Variants in SPTB observed in about 807,000 individuals in gnomAD.
The protein encoded by SPTB is spectrin beta, erythrocytic, also known as spectrin beta chain, erythrocytic.
Under a neutral mutation model 256.2 loss-of-function variants are expected in SPTB, and 45 were observed. The observed-to-expected ratio is 0.18, with a 90% CI of 0.14 to 0.23. The LOEUF (loss-of-function observed/expected upper bound fraction) is 0.23. Among genes scored for constraint, SPTB ranks in the 10% least tolerant of loss-of-function variants. SPTB has a pLI of 1.00. For missense variants in SPTB, 2,715 were observed against 3,040.4 expected (o/e 0.89, Z 2.52); for synonymous variants, 1,231 against 1,243.1 (o/e 0.99, Z 0.21).
chr14:64,800,990 A>C lies in SPTB; in HGVS notation c.764-122T>G, dbSNP rs955013245. On this transcript the variant is annotated intron_variant, in intron 7 of 35. Transcript: ENST00000644917. ...CTACAGGCAGCAAGTGACAACCAAC[A>C]GAGCAAGAATGGAAGAGTGTGATGA... 6.4e-6 allele frequency: 5 copies of C among 784,444 alleles called. No homozygotes were observed. The African/African-American group carries it at 8.5e-5, about 13-fold the overall frequency. 48.6% of individuals were successfully genotyped at this position (784,444 alleles called of 1,614,324 possible).
chr14:64,872,741 AGGGACCCGGT>A (rs971829018), intron 1 of SPTB, among the ~76,000 whole-genome samples: 8 of 152,254 alleles, frequency 5.3e-5, no homozygotes, highest in Non-Finnish European at 7.4e-5. Flanking sequence ...ATGTCGTGGG[AGGGACCCGGT>A]GGGAGGTAAC....
At chr14:64,768,755 T>C (rs2082232056) in intron 29 of SPTB, among the ~76,000 whole-genome samples, 3 of 148,202 alleles carry the variant, frequency 2.0e-5, no homozygotes, top group Admixed American at 1.3e-4. Context: ...TCTGCAGGCA[T>C]ACCAGCCCGG....
intron 1 of SPTB, among the ~76,000 whole-genome samples, chr14:64,842,214 T>A (rs1254305029): frequency 6.6e-6 from 1 of 152,212 alleles, no homozygotes; most frequent in Non-Finnish European, 1.5e-5. Context: ...AAGTGAGTGG[T>A]CATTGCTAAA....
intron 6 of SPTB, 118 bp downstream of exon 6, chr14:64,801,636 G>A: frequency 9.1e-7 from 1 of 1,104,004 alleles, no homozygotes; most frequent in South Asian, 1.2e-5. Flanking sequence ...TGCTGAAGGG[G>A]AGAGGAGAAG....
chr14:64,856,919 G>A (rs2083883192), intron 1 of SPTB, among the ~76,000 whole-genome samples: 1 of 152,204 alleles, frequency 6.6e-6, no homozygotes, highest in African/African-American at 2.4e-5. Context: ...TGCCTCTGTG[G>A]GAAGGGAACA....
intron 30 of SPTB, 75 bp downstream of exon 30, chr14:64,767,588 C>G (rs1474282804): frequency 6.3e-7 from 1 of 1,575,926 alleles, no homozygotes; most frequent in Non-Finnish European, 8.7e-7. Flanking sequence ...AACAACTGGC[C>G]TGGAGTCCTT....
Position 64,806,012 on chromosome 14 carries a change from G to T in SPTB, c.149-922C>A, listed in dbSNP as rs2082976540. On this transcript the variant is annotated intron_variant, in intron 2 of 35. Coordinates refer to ENST00000644917, the MANE Select transcript of SPTB (RefSeq NM_001355436.2). This position sits in a 1 kb window ranked among gnomAD's most constrained non-coding sequence, Gnocchi z 4.1. Reference sequence around the variant, plus strand: ...GGCCCATGCTGTACCAGTTCAGGTGGGGTACTTCTTACTGCCTCTGTACAA... The same window carrying T: ...GGCCCATGCTGTACCAGTTCAGGTGTGGTACTTCTTACTGCCTCTGTACAA... Among the ~76,000 whole-genome samples, 1 of 152,052 alleles carries T rather than the reference G, an allele frequency of 6.6e-6. No homozygotes were observed. The highest frequency in any genetic ancestry group is 6.6e-5 in the Admixed American group (1 of 15,264).
chr14:64,861,503 C>T (rs963199133), intron 1 of SPTB, among the ~76,000 whole-genome samples: 3 of 152,118 alleles, frequency 2.0e-5, no homozygotes, highest in Non-Finnish European at 4.4e-5. Context: ...CTGCACTGAC[C>T]GGCTCCCCCA....
Position 64,749,501 on chromosome 14 carries a change from C to T in SPTB, c.6820-28G>A, listed in dbSNP as rs1393915064. The T allele has an allele frequency of 6.3e-7, 1 of 1,598,106 alleles. No individual in the cohort carries two copies. The highest frequency in any genetic ancestry group is 8.5e-7 in the Non-Finnish European group (1 of 1,177,794). ...GCGGGGCGGAGGGTCACGGTGGAGTCTGGAGGCCCACAGCCCCCCACCTCC... is the reference window on the plus strand; with the variant it reads ...GCGGGGCGGAGGGTCACGGTGGAGTTTGGAGGCCCACAGCCCCCCACCTCC... On this transcript the variant is annotated intron_variant, in intron 35 of 35. Transcript: ENST00000644917. The surrounding 1 kb of genome is among the most constrained non-coding windows in gnomAD (Gnocchi z 4.7).
intron 1 of SPTB, among the ~76,000 whole-genome samples, chr14:64,871,885 T>C (rs1274546652): frequency 6.6e-6 from 1 of 152,246 alleles, no homozygotes; most frequent in African/African-American, 2.4e-5. Context: ...ATTTGGGCTT[T>C]AACCAGCCAA....
rs141123028 is a variant in SPTB, at chr14:64,873,406, C to T, written c.-52+6386G>A. On this transcript the variant is annotated intron_variant, in intron 1 of 35. Coordinates refer to ENST00000644917, the MANE Select transcript of SPTB (RefSeq NM_001355436.2). This position sits in a 1 kb window ranked among gnomAD's most constrained non-coding sequence, Gnocchi z 4.3. Reference sequence around the variant, plus strand: ...CTCAAGATCACTGGACAAAAAGAGGCTGCTGAAGTCCAAAATGAAGCATAA... The same window carrying T: ...CTCAAGATCACTGGACAAAAAGAGGTTGCTGAAGTCCAAAATGAAGCATAA... Among the ~76,000 whole-genome samples the T allele has an allele frequency of 1.6e-3, 248 of 152,272 alleles. No homozygotes were observed. Among genetic ancestry groups the T allele is most frequent in the African/African-American group, 4.9e-3 (204 of 41,532 alleles).
Position 64,769,561 on chromosome 14 carries a change from GCTCGCCTCCATCCTTGCAGTCCC to G in SPTB, c.5937+6_5937+28del. 2 of 1,612,684 alleles carry G rather than the reference GCTCGCCTCCATCCTTGCAGTCCC, an allele frequency of 1.2e-6. No individual in the cohort carries two copies. The highest frequency in any genetic ancestry group is 1.7e-6 in the Non-Finnish European group (2 of 1,179,820). ...GCACAGTGGGGACGGAGACGGAGGA[GCTCGCCTCCATCCTTGCAGTCCC>G]CTCACCTCCTCTGAGGCCTGGTGCT... On this transcript the variant is annotated splice_donor_region_variant and intron_variant, in intron 28 of 35. Transcript: ENST00000644917.
intron 9 of SPTB, among the ~76,000 whole-genome samples, chr14:64,798,796 C>G (rs1400089942): frequency 6.6e-6 from 1 of 152,224 alleles, no homozygotes; most frequent in African/African-American, 2.4e-5. Context: ...AGCATTTCAC[C>G]TTTCCCCATT....
At chr14:64,828,437 A>T (rs368069586) in intron 1 of SPTB, among the ~76,000 whole-genome samples, 6 of 152,318 alleles carry the variant, frequency 3.9e-5, no homozygotes, top group African/African-American at 9.6e-5. Flanking sequence ...TCAGCACTTC[A>T]CATCCTGCAC....
intron 2 of SPTB, among the ~76,000 whole-genome samples, chr14:64,821,851 A>T (rs2083292606): frequency 6.6e-6 from 1 of 152,124 alleles, no homozygotes; most frequent in African/African-American, 2.4e-5. Context: ...AGACACTCCC[A>T]AGATGTGAGG....
rs940872518 is a variant in SPTB, at chr14:64,845,053, C to T, written c.-51-21908G>A. Among the ~76,000 whole-genome samples, 17 of 152,200 alleles carry T rather than the reference C, an allele frequency of 1.1e-4. No homozygotes were observed. The highest frequency in any genetic ancestry group is 3.9e-4 in the African/African-American group (16 of 41,456). ...AGATGGACATGGAAAATAAGCAAAG[C>T]ACTGAGAAATGAAAGATCCAAAGTA... On this transcript the variant is annotated intron_variant, in intron 1 of 35. Transcript: ENST00000644917. This position sits in a 1 kb window ranked among gnomAD's most constrained non-coding sequence, Gnocchi z 4.8.
At position 64,825,131 on chromosome 14, in the gene SPTB, G is replaced by A. The variant is rs2083357410; in HGVS notation, c.-51-1986C>T. Among the ~76,000 whole-genome samples the A allele has an allele frequency of 6.6e-6, 1 of 151,538 alleles. No homozygotes were observed. Among genetic ancestry groups the A allele is most frequent in the Admixed American group, 6.6e-5 (1 of 15,210 alleles). ...GTTTCAGGAGGGCAGCTGGGGAAAG[G>A]ACTGGAGCACAGTTTGTTCCCCTCA... On this transcript the variant is annotated intron_variant, in intron 1 of 35. Transcript: ENST00000644917. This position sits in a 1 kb window ranked among gnomAD's most constrained non-coding sequence, Gnocchi z 4.8.
Position 64,749,328 on chromosome 14 carries a change from C to A in SPTB, c.6965G>T (p.Ser2322Ile). The change falls in exon 36 of 36, where the codon AGC becomes ATC. Residue 2322 changes from serine (S) to isoleucine (I), a missense_variant. This residue lies in a region of SPTB where 2,239 missense variants were observed against 2,384.4 expected (regional missense o/e 0.94). Transcript: ENST00000644917. The surrounding 1 kb of genome is among the most constrained non-coding windows in gnomAD (Gnocchi z 4.7). ...LGKKDKEKRF[S>I]FFPKKK ...CTGCTACTTCTTTTTGGGGAAGAAG[C>A]TGAATCTCTTCTCCTTGTCTTTCTT... The A allele has an allele frequency of 1.9e-6, 3 of 1,608,120 alleles. No individual in the cohort carries two copies. Among genetic ancestry groups the A allele is most frequent in the Non-Finnish European group, 2.5e-6 (3 of 1,178,662 alleles).
Position 64,782,283 on chromosome 14 carries a change from C to T in SPTB, c.4266+7G>A, listed in dbSNP as rs755186888. On this transcript the variant is annotated splice_region_variant and intron_variant, in intron 20 of 35. Coordinates refer to ENST00000644917, the MANE Select transcript of SPTB (RefSeq NM_001355436.2). ...TAACACTCTGAGTCTACAACCCACT[C>T]ACGTGCCTTCAGCTTAGCCAACATC... The T allele has an allele frequency of 1.9e-6, 3 of 1,614,210 alleles. No homozygotes were observed. Among genetic ancestry groups the T allele is most frequent in the Non-Finnish European group, 2.5e-6 (3 of 1,180,048 alleles).
Sources: allele counts gnomAD v4.1 joint callset (sites outside exome capture counted in the v4.1 genomes callset), GRCh38; gene constraint gnomAD v4.1.1; regional missense constraint gnomAD v4.1.1; non-coding constraint Gnocchi (gnomAD v3.1); transcripts MANE v1.5; gene names NCBI Gene and HGNC (gene_info 2026-07-23, HGNC 2026-07-21).